GTF2F1: variants seen among roughly 807,000 people sequenced by gnomAD.
GTF2F1 encodes the protein general transcription factor IIF subunit 1.
GTF2F1 carries 39 observed loss-of-function variants against 63.5 expected under a neutral mutation model. The observed-to-expected ratio is 0.61, with a 90% CI of 0.48 to 0.80. The LOEUF is 0.80. Ranked by LOEUF, GTF2F1 falls within the 30% of genes least tolerant of loss-of-function variation. The pLI is 0.00. For missense variants in GTF2F1, 657 were observed against 718.3 expected (o/e 0.91, Z 0.97); for synonymous variants, 287 against 285.3 (o/e 1.01, Z -0.06).
Position 6,385,395 on chromosome 19 carries a change from C to CAAA in GTF2F1, c.498-1903_498-1901dup, listed in dbSNP as rs10602439. On this transcript the variant is annotated intron_variant, in intron 5 of 12. Transcript: ENST00000394456. The stretch of plus-strand genomic sequence containing the variant: ...AGCCTGGGTGACAGTGAGACTGTCT[C>CAAA]AAAAAAAAAAAAAAAAAAAAAAAAA... 1.3e-3 allele frequency among the ~76,000 whole-genome samples: 51 copies of CAAA among 37,972 alleles called. 1 individual carries two copies. Among genetic ancestry groups the CAAA allele is most frequent in the African/African-American group, 3.1e-3 (45 of 14,394 alleles). 24.9% of individuals were successfully genotyped at this position (37,972 alleles called of 152,430 possible).
At position 6,383,528 on chromosome 19, in the gene GTF2F1, G is replaced by C; in HGVS notation, c.498-33C>G. The C allele has an allele frequency of 6.2e-7, 1 of 1,602,646 alleles. No homozygotes were observed. The highest frequency in any genetic ancestry group is 8.5e-7 in the Non-Finnish European group (1 of 1,174,028). On this transcript the variant is annotated intron_variant, in intron 5 of 12. Coordinates refer to ENST00000394456, the MANE Select transcript of GTF2F1 (RefSeq NM_002096.3). This position sits in a 1 kb window ranked among gnomAD's most constrained non-coding sequence, Gnocchi z 4.5. ...CCAGGCACAGGGGGGCTCATGCCGGGCCTGGCACCACCCTGCATCTGTGCT... is the reference window on the plus strand; with the variant it reads ...CCAGGCACAGGGGGGCTCATGCCGGCCCTGGCACCACCCTGCATCTGTGCT...
chr19:6,389,682 T>C (rs985538519), intron 3 of GTF2F1, 45 bp from the exon 4 acceptor site: 26 of 1,570,440 alleles, frequency 1.7e-5, no homozygotes, highest in Non-Finnish European at 2.3e-5. Context: ...CTGGCTTTGC[T>C]TGCGCAGTGC....
rs45466997 is a variant in GTF2F1 at position 6,380,490 on chromosome 19, G to A, written c.1350-5C>T. On this transcript the variant is annotated splice_polypyrimidine_tract_variant and splice_region_variant and intron_variant, in intron 12 of 12. Transcript: ENST00000394456. This position sits in a 1 kb window ranked among gnomAD's most constrained non-coding sequence, Gnocchi z 5.3. ...TCCTCAGTCACCTGCACGTCGCTGAGGATGGGAGGACGGGGAAGGTGGCAT... is the reference window on the plus strand; with the variant it reads ...TCCTCAGTCACCTGCACGTCGCTGAAGATGGGAGGACGGGGAAGGTGGCAT... 0.019 allele frequency: 30,033 copies of A among 1,613,870 alleles called. 344 individuals are homozygous for A. The highest frequency in any genetic ancestry group is 0.022 in the Non-Finnish European group (26,171 of 1,179,776).
Position 6,380,882 on chromosome 19 carries a change from CG to C in GTF2F1, c.1231+21del. On this transcript the variant is annotated intron_variant, in intron 11 of 12. Transcript: ENST00000394456. The surrounding 1 kb of genome is among the most constrained non-coding windows in gnomAD (Gnocchi z 5.3). ...AGGCTGTGGCTGTGGCTGTGGGGAG[CG>C]GGGAGGCCACGGGCACTCACCTTGC... 1 of 1,532,358 alleles carries C rather than the reference CG, an allele frequency of 6.5e-7. No homozygotes were observed. The highest frequency in any genetic ancestry group is 8.7e-7 in the Non-Finnish European group (1 of 1,143,364). The allele number at this position is 1,532,358 out of a possible 1,614,324, so 94.9% of individuals were successfully genotyped here.
intron 5 of GTF2F1, among the ~76,000 whole-genome samples, chr19:6,384,616 C>A (rs1046396627): frequency 6.6e-6 from 1 of 151,614 alleles, no homozygotes; most frequent in East Asian, 2.0e-4. Context: ...AGTGGCTTTA[C>A]CACACTGAGC....
At position 6,381,934 on chromosome 19, in the gene GTF2F1, G is replaced by T; in HGVS notation, c.683-84C>A. On this transcript the variant is annotated intron_variant, in intron 6 of 12. Coordinates refer to ENST00000394456, the MANE Select transcript of GTF2F1 (RefSeq NM_002096.3). The surrounding 1 kb of genome is among the most constrained non-coding windows in gnomAD (Gnocchi z 4.1). ...TATTGTGTTTTTCACATTTTGTGCA[G>T]TTTTGACATCCTGGGGGGCCTCACT... 1.7e-6 allele frequency: 2 copies of T among 1,203,150 alleles called. No homozygotes were observed. Among genetic ancestry groups the T allele is most frequent in the Non-Finnish European group, 2.4e-6 (2 of 846,370 alleles). 74.5% of individuals were successfully genotyped at this position (1,203,150 alleles called of 1,614,324 possible). A position where few individuals can be genotyped will look rare whatever the true frequency, so the allele number is the denominator to read the frequency against.
At chr19:6,385,383 G>A (rs1007378785) in intron 5 of GTF2F1, among the ~76,000 whole-genome samples, 2 of 110,846 alleles carry the variant, frequency 1.8e-5, no homozygotes, top group Non-Finnish European at 3.3e-5. Flanking sequence ...CTGGGTGACA[G>A]TGAGACTGTC....
intron 3 of GTF2F1, among the ~76,000 whole-genome samples, chr19:6,390,850 A>C (rs8113465): frequency 0.15 from 22,834 of 152,050 alleles, 2,708 homozygotes; most frequent in East Asian, 0.39. Flanking sequence ...ACTGCACTCC[A>C]GCCTGGATGA....
rs1467756332 is a variant in GTF2F1, at chr19:6,392,038, T to C, written c.60-64A>G. The C allele has an allele frequency of 2.3e-5, 19 of 819,246 alleles. 1 individual carries two copies. Among genetic ancestry groups the C allele is most frequent in the South Asian group, 2.1e-4 (14 of 66,728 alleles). 50.7% of individuals were successfully genotyped at this position (819,246 alleles called of 1,614,324 possible). A position where few individuals can be genotyped will look rare whatever the true frequency, so the allele number is the denominator to read the frequency against. ...GCAATTCAATCATTAATTTAATCAG[T>C]CAATGCTATTGAACCATTAATTCAA... On this transcript the variant is annotated intron_variant, in intron 2 of 12. Transcript: ENST00000394456.
chr19:6,384,508 CA>C (rs144809526), intron 5 of GTF2F1, among the ~76,000 whole-genome samples: 30,745 of 135,018 alleles, frequency 0.23, 5,864 homozygotes, highest in African/African-American at 0.51. Context: ...AATCTGTCTC[CA>C]AAAAAAAAAA....
Position 6,381,492 on chromosome 19 carries a change from G to A in GTF2F1, c.899-14C>T. ...GCTCATCGACACCTGGGAGGGGCAG[G>A]GTATGAGCAAGAGCAGGGAAGCACC... is the stretch of plus-strand genomic sequence containing the variant. On this transcript the variant is annotated splice_polypyrimidine_tract_variant and intron_variant, in intron 8 of 12. Coordinates refer to ENST00000394456, the MANE Select transcript of GTF2F1 (RefSeq NM_002096.3). The surrounding 1 kb of genome is among the most constrained non-coding windows in gnomAD (Gnocchi z 4.1). 2 of 1,608,110 alleles carry A rather than the reference G, an allele frequency of 1.2e-6. No individual in the cohort carries two copies. The highest frequency in any genetic ancestry group is 1.7e-6 in the Non-Finnish European group (2 of 1,179,468).
chr19:6,391,983 GA>G lies in GTF2F1; in HGVS notation c.60-10del. The G allele has an allele frequency of 6.8e-7, 1 of 1,472,468 alleles. No homozygotes were observed. The allele number at this position is 1,472,468 out of a possible 1,614,324, so 91.2% of individuals were successfully genotyped here. On this transcript the variant is annotated splice_polypyrimidine_tract_variant and intron_variant, in intron 2 of 12. Coordinates refer to ENST00000394456, the MANE Select transcript of GTF2F1 (RefSeq NM_002096.3). ...ATTTTTTGGTTGTATTCCTGGAGTG[GA>G]TGAGAAGAGGTAGTGTCAATCCAAT... is the stretch of plus-strand genomic sequence containing the variant.
chr19:6,383,507 G>A lies in GTF2F1; in HGVS notation c.498-12C>T. On this transcript the variant is annotated splice_polypyrimidine_tract_variant and intron_variant, in intron 5 of 12. Coordinates refer to ENST00000394456, the MANE Select transcript of GTF2F1 (RefSeq NM_002096.3). This position sits in a 1 kb window ranked among gnomAD's most constrained non-coding sequence, Gnocchi z 4.5. ...GCACCTTGTTCCTCCTGCGGGCCAG[G>A]CACAGGGGGGCTCATGCCGGGCCTG... The A allele has an allele frequency of 6.2e-7, 1 of 1,609,444 alleles. No homozygotes were observed. The highest frequency in any genetic ancestry group is 8.5e-7 in the Non-Finnish European group (1 of 1,177,424).
chr19:6,380,360 A>G lies in GTF2F1; in HGVS notation c.1475T>C (p.Val492Ala). Residue 492 changes from valine to alanine, a missense_variant, in exon 13 of 13, where the codon GTG (valine) becomes GCG (alanine). Around this residue, in one of 2 missense-constraint regions of GTF2F1, gnomAD observed 55 missense variants for 92.6 expected, o/e 0.59. Transcript: ENST00000394456. This position sits in a 1 kb window ranked among gnomAD's most constrained non-coding sequence, Gnocchi z 5.3. ...GAGTCGCTTGAGGATCTGGGCCAACACGTTCACTGTCTGCTCGCTGCTCAG... is the reference window on the plus strand; with the variant it reads ...GAGTCGCTTGAGGATCTGGGCCAACGCGTTCACTGTCTGCTCGCTGCTCAG... Reference protein sequence around the residue: ...TGLSSEQTVNVLAQILKRLNP... With the variant: ...TGLSSEQTVNALAQILKRLNP... 6.2e-7 allele frequency: 1 copy of G among 1,614,102 alleles called. No individual in the cohort carries two copies. The highest frequency in any genetic ancestry group is 8.5e-7 in the Non-Finnish European group (1 of 1,180,004).
chr19:6,388,048 G>C (rs1222827818), intron 4 of GTF2F1, among the ~76,000 whole-genome samples: 1 of 150,080 alleles, frequency 6.7e-6, no homozygotes, highest in Non-Finnish European at 1.5e-5. Context: ...TCATGCCTCA[G>C]CCTCCCGAGT....
rs1004273463 is a variant in GTF2F1, at chr19:6,383,746, C to T, written c.498-251G>A. On this transcript the variant is annotated intron_variant, in intron 5 of 12. Coordinates refer to ENST00000394456, the MANE Select transcript of GTF2F1 (RefSeq NM_002096.3). The surrounding 1 kb of genome is among the most constrained non-coding windows in gnomAD (Gnocchi z 4.5). Reference sequence around the variant, plus strand: ...CTGGAGTCTCAGCACCTCCCTCGGACTCAGAGTCTGGCCCCAATCCAGTCA... The same window carrying T: ...CTGGAGTCTCAGCACCTCCCTCGGATTCAGAGTCTGGCCCCAATCCAGTCA... Among the ~76,000 whole-genome samples the T allele has an allele frequency of 2.0e-5, 3 of 152,184 alleles. No individual in the cohort carries two copies. The highest frequency in any genetic ancestry group is 4.4e-5 in the Non-Finnish European group (3 of 68,040).
chr19:6,385,152 T>C (rs2091969271), intron 5 of GTF2F1, among the ~76,000 whole-genome samples: 1 of 151,718 alleles, frequency 6.6e-6, no homozygotes, highest in South Asian at 2.1e-4. Flanking sequence ...CCCAGCATAT[T>C]GGGATGCCAA....
intron 2 of GTF2F1, 41 bp downstream of exon 2, chr19:6,392,816 T>G: frequency 3.8e-6 from 6 of 1,583,090 alleles, no homozygotes; most frequent in Non-Finnish European, 5.2e-6. Context: ...TTTTCATTTT[T>G]GGGGGGTGGA....
Position 6,383,416 on chromosome 19 carries a change from C to T in GTF2F1, c.577G>A (p.Glu193Lys). The stretch of plus-strand genomic sequence containing the variant: ...TTCCTGCGGCCACGTTTCTCCTTCT[C>T]CTCCTCATCCTCGTCCTGGTCCTGA... Reference protein sequence around the residue: ...KDQDQDEDEEEKEKRGRRKAS... With the variant: ...KDQDQDEDEEKKEKRGRRKAS... The change falls in exon 6 of 13, where the codon GAG (glutamate) becomes AAG (lysine). Residue 193 changes from glutamate (E) to lysine (K), a missense_variant. Physicochemically the swap from Glu to Lys is moderately conservative, Grantham distance 56. Transcript: ENST00000394456. This position sits in a 1 kb window ranked among gnomAD's most constrained non-coding sequence, Gnocchi z 4.5. The T allele has an allele frequency of 1.2e-6, 2 of 1,614,216 alleles. No homozygotes were observed. The highest frequency in any genetic ancestry group is 1.7e-6 in the Non-Finnish European group (2 of 1,180,030).
Sources: gnomAD v4.1 joint callset for allele counts (sites outside exome capture counted in the v4.1 genomes callset) on GRCh38, gnomAD v4.1.1 for gene constraint, gnomAD v4.1.1 regional missense constraint, Gnocchi (gnomAD v3.1) non-coding constraint, MANE v1.5 for transcripts, NCBI Gene and HGNC (gene_info 2026-07-23, HGNC 2026-07-21) for gene names.